Variants in CWC27 observed in about 807,000 individuals in gnomAD.
CWC27 encodes the protein CWC27 spliceosome associated cyclophilin, also known as spliceosome-associated protein CWC27 homolog.
CWC27 carries 47 observed loss-of-function variants against 63.6 expected under a neutral mutation model. The observed-to-expected ratio is 0.74, with a 90% CI of 0.58 to 0.94. CWC27 has a LOEUF of 0.94. Ranked by LOEUF, CWC27 falls within the 40% of genes least tolerant of loss-of-function variation. CWC27 has a pLI of 0.00. For missense variants in CWC27, 495 were observed against 554.3 expected, an observed-to-expected ratio of 0.89 and a Z score of 1.07; for synonymous variants, 175 against 179.8, an observed-to-expected ratio of 0.97 and a Z score of 0.22.
intron 10 of CWC27, among the ~76,000 whole-genome samples, chr5:64,809,236 C>G (rs1414962061): frequency 6.6e-6 from 1 of 152,190 alleles, no homozygotes; most frequent in African/African-American, 2.4e-5. Context: ...TAGAAAGATT[C>G]GATCAGGCTA....
At chr5:64,888,556 A>T (rs1052426744) in intron 11 of CWC27, among the ~76,000 whole-genome samples, 1 of 147,782 alleles carries the variant, frequency 6.8e-6, no homozygotes, top group African/African-American at 2.5e-5. Context: ...TATTATATAA[A>T]ATATATTTAT....
chr5:64,911,740 G>T (rs1001334742), intron 11 of CWC27, among the ~76,000 whole-genome samples: 5 of 152,094 alleles, frequency 3.3e-5, no homozygotes, highest in Non-Finnish European at 7.4e-5. Flanking sequence ...TTTGGGTCTG[G>T]CTATCTCAAG....
chr5:64,961,119 C>T (rs1027205111), intron 11 of CWC27, among the ~76,000 whole-genome samples: 1 of 152,186 alleles, frequency 6.6e-6, no homozygotes, highest in Non-Finnish European at 1.5e-5. Context: ...TTCTGACTAG[C>T]TCCTAGGGAA....
intron 11 of CWC27, among the ~76,000 whole-genome samples, chr5:64,904,920 G>T (rs1211737188): frequency 6.6e-6 from 1 of 152,092 alleles, no homozygotes; most frequent in Non-Finnish European, 1.5e-5. Context: ...ATAAATATGG[G>T]CCAGGCACAG....
At chr5:64,812,705 G>A (rs1306426577) in intron 10 of CWC27, among the ~76,000 whole-genome samples, 3 of 151,768 alleles carry the variant, frequency 2.0e-5, no homozygotes, top group South Asian at 4.1e-4. Flanking sequence ...TATGTTATTC[G>A]TGTTCCCAGC....
chr5:64,800,698 G>C (rs1225273504), intron 8 of CWC27, among the ~76,000 whole-genome samples: 1 of 152,144 alleles, frequency 6.6e-6, no homozygotes, highest in East Asian at 1.9e-4. Flanking sequence ...TACAGTTAAA[G>C]GTTTTTGTGA....
At chr5:65,003,457 T>G (rs915972348) in intron 13 of CWC27, among the ~76,000 whole-genome samples, 1 of 152,172 alleles carries the variant, frequency 6.6e-6, no homozygotes, top group African/African-American at 2.4e-5. Flanking sequence ...AATGTTAGAC[T>G]CCTTTCTCTT....
intron 10 of CWC27, among the ~76,000 whole-genome samples, chr5:64,831,511 T>TAGATAGATAGAC (rs1462221003): frequency 2.2e-4 from 34 of 151,804 alleles, no homozygotes; most frequent in African/African-American, 7.0e-4. Flanking sequence ...GATAGATAGA[T>TAGATAGATAGAC]AGACAGACAC....
intron 13 of CWC27, among the ~76,000 whole-genome samples, chr5:65,002,433 A>C (rs1749747231): frequency 6.6e-6 from 1 of 152,046 alleles, no homozygotes; most frequent in Non-Finnish European, 1.5e-5. Flanking sequence ...TTATTGCTAT[A>C]AGCTTCCTTC....
intron 1 of CWC27, among the ~76,000 whole-genome samples, chr5:64,769,860 G>A (rs934122538): frequency 2.6e-5 from 4 of 152,150 alleles, no homozygotes; most frequent in African/African-American, 7.2e-5. Flanking sequence ...ATTAGAATGG[G>A]GAAAGGTTTC....
Position 64,943,186 on chromosome 5 carries a change from T to G in CWC27, c.1043-28517T>G, listed in dbSNP as rs192299099. On this transcript the variant is annotated intron_variant, in intron 11 of 13. Coordinates refer to ENST00000381070, the MANE Select transcript of CWC27 (RefSeq NM_005869.4). ...GATGGAGACAAGGGAAAAAATGAAG[T>G]TAACGAATAAAACAAATGTTATTTC... Among the ~76,000 whole-genome samples the G allele has an allele frequency of 2.4e-3, 367 of 152,280 alleles. 2 individuals carry two copies. Among genetic ancestry groups the G allele is most frequent in the Non-Finnish European group, 4.1e-3 (276 of 68,018 alleles).
intron 10 of CWC27, among the ~76,000 whole-genome samples, chr5:64,856,705 TAA>T (rs1335417133): frequency 6.6e-6 from 1 of 152,108 alleles, no homozygotes; most frequent in African/African-American, 2.4e-5. Context: ...GGTGGCAGTT[TAA>T]AGAGGTTGAA....
intron 11 of CWC27, among the ~76,000 whole-genome samples, chr5:64,905,302 C>A (rs530153308): frequency 1.3e-5 from 2 of 151,722 alleles, no homozygotes; most frequent in South Asian, 4.2e-4. Flanking sequence ...GCTAAGATGC[C>A]CTTAATAGGA....
At chr5:64,937,921 C>CTTTTTTTTTTTTT (rs1211082437) in intron 11 of CWC27, among the ~76,000 whole-genome samples, 6 of 99,296 alleles carry the variant, frequency 6.0e-5, no homozygotes, top group African/African-American at 2.2e-4. Context: ...GCAATCTCTG[C>CTTTTTTTTTTTTT]TTTTTTTTTT....
Position 64,977,171 on chromosome 5 carries a change from A to G in CWC27, c.1189A>G (p.Thr397Ala), listed in dbSNP as rs770801324. ...GCTGAACCAGTTTAAATCTAAACTC[A>G]CTCAAGCAATTGCTGAAACGCCTGA... ...ALLNQFKSKL[T>A]QAIAETPEND... is the part of the protein sequence containing the mutation. Residue 397 changes from threonine (T) to alanine (A), a missense_variant, in exon 13 of 14, where the codon ACT becomes GCT. Physicochemically the swap from Thr to Ala is moderately conservative, Grantham distance 58. Coordinates refer to ENST00000381070, the MANE Select transcript of CWC27 (RefSeq NM_005869.4). 4.3e-6 allele frequency: 7 copies of G among 1,612,370 alleles called. No individual in the cohort carries two copies. The East Asian group carries it at 1.6e-4, about 36-fold the overall frequency.
intron 7 of CWC27, among the ~76,000 whole-genome samples, chr5:64,796,267 T>A (rs1320434757): frequency 6.6e-6 from 1 of 152,092 alleles, no homozygotes; most frequent in African/African-American, 2.4e-5. Flanking sequence ...ATAAAATAGA[T>A]CCATTTATCT....
intron 10 of CWC27, among the ~76,000 whole-genome samples, chr5:64,811,304 T>C (rs995053064): frequency 2.6e-5 from 4 of 152,076 alleles, no homozygotes; most frequent in Non-Finnish European, 5.9e-5. Flanking sequence ...CATCTGTATA[T>C]TGATACATAA....
chr5:64,880,747 C>G (rs545176131), intron 10 of CWC27, among the ~76,000 whole-genome samples: 2 of 149,904 alleles, frequency 1.3e-5, no homozygotes, highest in Admixed American at 1.3e-4. Context: ...ACAGAAATAT[C>G]TGGTGGATAA....
At chr5:64,874,580 C>T (rs1000784871) in intron 10 of CWC27, among the ~76,000 whole-genome samples, 1 of 152,070 alleles carries the variant, frequency 6.6e-6, no homozygotes, top group Non-Finnish European at 1.5e-5. Flanking sequence ...GATTCTTCTG[C>T]CTCAGCCTCC....
Sources: allele counts gnomAD v4.1 joint callset (sites outside exome capture counted in the v4.1 genomes callset), GRCh38; gene constraint gnomAD v4.1.1; transcripts MANE v1.5; gene names NCBI Gene and HGNC (gene_info 2026-07-23, HGNC 2026-07-21).